The following PRKAR2A variants were observed in gnomAD, a reference collection of about 807,000 sequenced individuals.
The protein encoded by PRKAR2A is cAMP-dependent protein kinase type II-alpha regulatory subunit.
A neutral mutation model predicts 51.9 loss-of-function variants in PRKAR2A; 29 were observed. That is an observed-to-expected ratio of 0.56 (90% CI 0.42 to 0.76). The LOEUF is 0.76. Among genes scored for constraint, PRKAR2A ranks in the 30% least tolerant of loss-of-function variants. PRKAR2A has a pLI of 0.00. For missense variants in PRKAR2A, 445 were observed against 512.1 expected (o/e 0.87, Z 1.26); for synonymous variants, 178 against 186.2 (o/e 0.96, Z 0.36).
chr3:48,824,062 G>A (rs1323712269), intron 1 of PRKAR2A, among the ~76,000 whole-genome samples: 3 of 152,036 alleles, frequency 2.0e-5, no homozygotes, highest in Non-Finnish European at 4.4e-5. Flanking sequence ...CCAACATGGC[G>A]AAACCCTGTC....
intron 1 of PRKAR2A, among the ~76,000 whole-genome samples, chr3:48,845,619 GCTT>G (rs2083449050): frequency 6.6e-6 from 1 of 152,192 alleles, no homozygotes; most frequent in South Asian, 2.1e-4. Flanking sequence ...AACTGTAATA[GCTT>G]CTTAACACTC....
intron 1 of PRKAR2A, among the ~76,000 whole-genome samples, chr3:48,809,791 TAC>T (rs767381115): frequency 1.4e-4 from 22 of 152,056 alleles, no homozygotes; most frequent in Non-Finnish European, 2.8e-4. Context: ...ATGTCAGAGT[TAC>T]AGAGTATCTG....
intron 1 of PRKAR2A, among the ~76,000 whole-genome samples, chr3:48,835,414 G>A (rs539576807): frequency 6.6e-6 from 1 of 152,124 alleles, no homozygotes; most frequent in East Asian, 1.9e-4. Flanking sequence ...GGCCAAGGCG[G>A]GCAGATCATG....
At chr3:48,762,322 A>G (rs1328708600) in intron 8 of PRKAR2A, among the ~76,000 whole-genome samples, 1 of 152,244 alleles carries the variant, frequency 6.6e-6, no homozygotes, top group Non-Finnish European at 1.5e-5. Context: ...ATTTTCATAC[A>G]TGGCTGGTAG....
At chr3:48,827,735 C>T (rs1167698616) in intron 1 of PRKAR2A, among the ~76,000 whole-genome samples, 3 of 152,184 alleles carry the variant, frequency 2.0e-5, no homozygotes, top group Non-Finnish European at 4.4e-5. Flanking sequence ...ATGTGAAGGT[C>T]TAGGACACTA....
chr3:48,843,194 G>T (rs2083406939), intron 1 of PRKAR2A, among the ~76,000 whole-genome samples: 1 of 152,144 alleles, frequency 6.6e-6, no homozygotes, highest in South Asian at 2.1e-4. Context: ...TAGTTTATTT[G>T]CGTAGAGGTG....
intron 4 of PRKAR2A, among the ~76,000 whole-genome samples, chr3:48,787,975 T>C (rs181901714): frequency 2.6e-5 from 4 of 152,284 alleles, no homozygotes; most frequent in East Asian, 3.9e-4. Context: ...GACTCCTCAA[T>C]AGGCCTAGCA....
In PRKAR2A at chr3:48,782,994, G is replaced by C. The variant is rs2082226165; in HGVS notation, c.534C>G (p.Val178=). 1.9e-6 allele frequency: 3 copies of C among 1,604,702 alleles called. No homozygotes were observed. Among genetic ancestry groups the C allele is most frequent in the Non-Finnish European group, 8.5e-7 (1 of 1,171,602 alleles). Residue 178 remains valine (V), a synonymous_variant, in exon 5 of 11, where the codon GTC becomes GTG. Transcript: ENST00000265563. The stretch of plus-strand genomic sequence containing the variant: ...AAAGCTCCATCTCCTACCGTTCTAT[G>C]ACATAAAAGTTGTCTCCATCATCTC... ...DQGDDGDNFY[V]IERGTYDILV... is the part of the protein sequence containing the mutation.
intron 8 of PRKAR2A, among the ~76,000 whole-genome samples, chr3:48,758,796 T>A (rs2107212243): frequency 6.6e-6 from 1 of 152,130 alleles, no homozygotes; most frequent in South Asian, 2.1e-4. Flanking sequence ...GCCAAAGAAG[T>A]CTAAGAAAGT....
At chr3:48,822,210 C>CAAAA (rs34189728) in intron 1 of PRKAR2A, among the ~76,000 whole-genome samples, 5 of 109,064 alleles carry the variant, frequency 4.6e-5, no homozygotes, top group South Asian at 3.0e-4. Flanking sequence ...GATTCTGTCT[C>CAAAA]AAAAAAAAAA....
At chr3:48,745,764 C>T (rs972881244), downstream of PRKAR2A, among the ~76,000 whole-genome samples, 10 of 152,052 alleles carry the variant, frequency 6.6e-5, no homozygotes, top group African/African-American at 2.4e-4. Context: ...GTCTCAAACT[C>T]CTGACCTCAG....
chr3:48,832,837 A>C (rs766094638), intron 1 of PRKAR2A, among the ~76,000 whole-genome samples: 2 of 152,150 alleles, frequency 1.3e-5, no homozygotes, highest in Non-Finnish European at 2.9e-5. Flanking sequence ...TTTGCTGAGC[A>C]AACAGTCTTG....
chr3:48,769,757 C>T (rs914438948), intron 6 of PRKAR2A, among the ~76,000 whole-genome samples: 13 of 151,358 alleles, frequency 8.6e-5, no homozygotes, highest in Admixed American at 6.6e-4. Flanking sequence ...ATTACAGGCA[C>T]GAGCCACTAC....
At chr3:48,745,766 T>C (rs2081556416), downstream of PRKAR2A, among the ~76,000 whole-genome samples, 1 of 152,112 alleles carries the variant, frequency 6.6e-6, no homozygotes, top group South Asian at 2.1e-4. Flanking sequence ...CTCAAACTCC[T>C]GACCTCAGGT....
At chr3:48,776,361 G>T (rs1314894765) in intron 5 of PRKAR2A, among the ~76,000 whole-genome samples, 1 of 152,038 alleles carries the variant, frequency 6.6e-6, no homozygotes, top group Non-Finnish European at 1.5e-5. Flanking sequence ...TACTGCAAAA[G>T]ATGTAATTGC....
intron 1 of PRKAR2A, among the ~76,000 whole-genome samples, chr3:48,831,764 GCAC>G (rs1559648210): frequency 2.0e-5 from 3 of 151,942 alleles, no homozygotes; most frequent in Non-Finnish European, 1.5e-5. Context: ...TTACAGGTGT[GCAC>G]CACCACACCT....
At chr3:48,811,963 G>T (rs983249326) in intron 1 of PRKAR2A, among the ~76,000 whole-genome samples, 1 of 152,074 alleles carries the variant, frequency 6.6e-6, no homozygotes, top group Non-Finnish European at 1.5e-5. Context: ...GGGGCTGCAG[G>T]GGGAATGGGG....
At chr3:48,822,501 A>G (rs1303041840) in intron 1 of PRKAR2A, among the ~76,000 whole-genome samples, 1 of 152,212 alleles carries the variant, frequency 6.6e-6, no homozygotes, top group Non-Finnish European at 1.5e-5. Flanking sequence ...TGATGCCAAA[A>G]GAAAAAAATT....
In PRKAR2A at chr3:48,844,999, G is replaced by A. The variant is rs35075544; in HGVS notation, c.262+2336C>T. On this transcript the variant is annotated intron_variant, in intron 1 of 10. Coordinates refer to ENST00000265563, the MANE Select transcript of PRKAR2A (RefSeq NM_004157.4). ...GTATAATAAAAAAGAAAAAAAACTT[G>A]TAAACTTTTACTCATCTGAGGCTAA... 2.2e-3 allele frequency among the ~76,000 whole-genome samples: 332 copies of A among 152,162 alleles called. 1 individual carries two copies. Among genetic ancestry groups the A allele is most frequent in the East Asian group, 3.5e-3 (18 of 5,182 alleles).
Sources: allele counts gnomAD v4.1 joint callset (sites outside exome capture counted in the v4.1 genomes callset), GRCh38; gene constraint gnomAD v4.1.1; transcripts MANE v1.5; gene names NCBI Gene and HGNC (gene_info 2026-07-23, HGNC 2026-07-21).